The following CNTNAP2 variants were observed in gnomAD, a reference collection of about 807,000 sequenced individuals.
CNTNAP2 encodes the protein contactin associated protein 2, also known as contactin-associated protein-like 2.
CNTNAP2 carries 98 observed loss-of-function variants against 155.2 expected under a neutral mutation model. That is an observed-to-expected ratio of 0.63 (90% CI 0.54 to 0.75). The LOEUF (loss-of-function observed/expected upper bound fraction) is 0.75. Ranked by LOEUF, CNTNAP2 falls within the 30% of genes least tolerant of loss-of-function variation. The pLI is 0.00. For synonymous variants in CNTNAP2, 651 were observed against 631.2 expected (o/e 1.03, Z -0.47); for missense variants, 1,727 against 1,688.1 (o/e 1.02, Z -0.40).
intron 15 of CNTNAP2, among the ~76,000 whole-genome samples, chr7:148,074,934 T>C (rs1360824180): frequency 2.0e-5 from 3 of 152,216 alleles, no homozygotes; most frequent in Non-Finnish European, 4.4e-5. Flanking sequence ...AACAAACTTC[T>C]GCTTCTCACT....
chr7:148,339,159 T>G (rs1798176381), intron 21 of CNTNAP2, among the ~76,000 whole-genome samples: 2 of 151,994 alleles, frequency 1.3e-5, no homozygotes, highest in South Asian at 4.1e-4. Flanking sequence ...AAAAAAACTT[T>G]CTTCCCCGCA....
At position 147,291,702 on chromosome 7, in the gene CNTNAP2, T is replaced by C. The variant is rs370821393; in HGVS notation, c.1349-8439T>C. 3.6e-4 allele frequency among the ~76,000 whole-genome samples: 55 copies of C among 152,308 alleles called. 1 individual carries two copies. The East Asian group carries it at 9.9e-3, about 27-fold the overall frequency. On this transcript the variant is annotated intron_variant, in intron 8 of 23. Transcript: ENST00000361727. ...AGGATTAATATATGTTTAACTTTAT[T>C]AAAAATTGTCCAGAGTTTTCCAAAA... is the stretch of plus-strand genomic sequence containing the variant.
At chr7:146,825,328 G>A (rs1803379481) in intron 2 of CNTNAP2, among the ~76,000 whole-genome samples, 1 of 152,096 alleles carries the variant, frequency 6.6e-6, no homozygotes, top group African/African-American at 2.4e-5. Flanking sequence ...GAATCAGAGG[G>A]ATTGTAAGAA....
chr7:146,856,545 G>T (rs1287403430), intron 3 of CNTNAP2, among the ~76,000 whole-genome samples: 1 of 152,160 alleles, frequency 6.6e-6, no homozygotes, highest in Non-Finnish European at 1.5e-5. Context: ...TTGATGGGGA[G>T]AAGTAAATTT....
intron 1 of CNTNAP2, among the ~76,000 whole-genome samples, chr7:146,137,116 G>A (rs1209752020): frequency 6.6e-6 from 1 of 152,038 alleles, no homozygotes; most frequent in African/African-American, 2.4e-5. Flanking sequence ...AACTTTTCTT[G>A]GGGTATCCTT....
chr7:147,272,664 A>ATTTTTTTT (rs71182188), intron 8 of CNTNAP2, among the ~76,000 whole-genome samples: 9 of 138,914 alleles, frequency 6.5e-5, no homozygotes, highest in Non-Finnish European at 1.1e-4. Context: ...CGCCCGGCTA[A>ATTTTTTTT]TTTTTTTTTT....
At chr7:148,324,606 T>C (rs547410773) in intron 21 of CNTNAP2, among the ~76,000 whole-genome samples, 1 of 152,162 alleles carries the variant, frequency 6.6e-6, no homozygotes, top group East Asian at 1.9e-4. Flanking sequence ...GAGACCAGCC[T>C]GGCCAACATG....
chr7:147,372,361 G>A (rs1198144039), intron 9 of CNTNAP2, among the ~76,000 whole-genome samples: 1 of 152,058 alleles, frequency 6.6e-6, no homozygotes, highest in Non-Finnish European at 1.5e-5. Context: ...GACAGACACA[G>A]GCTATTCTGG....
In CNTNAP2 at chr7:147,854,209, G is replaced by T. The variant is rs535273295; in HGVS notation, c.2099-49356G>T. On this transcript the variant is annotated intron_variant, in intron 13 of 23. Transcript: ENST00000361727. ...GAAAGTTGACTATGGGTAGAGAAGA[G>T]TTGCCGTTATTTCACCTTGAAGAAT... 7.7e-4 allele frequency among the ~76,000 whole-genome samples: 117 copies of T among 152,272 alleles called. 1 individual carries two copies. In the South Asian group the frequency reaches 0.023, roughly 30 times the overall value.
intron 13 of CNTNAP2, among the ~76,000 whole-genome samples, chr7:147,666,639 A>C (rs573032325): frequency 3.9e-5 from 6 of 152,298 alleles, no homozygotes; most frequent in Admixed American, 3.3e-4. Flanking sequence ...TCCCATGTTT[A>C]CTGTGTCTCT....
chr7:147,325,435 T>G (rs1795436434), intron 9 of CNTNAP2, among the ~76,000 whole-genome samples: 1 of 152,214 alleles, frequency 6.6e-6, no homozygotes, highest in Non-Finnish European at 1.5e-5. Context: ...ACTGTTGGGT[T>G]TAATTATGCG....
At chr7:147,904,874 AATTTT>A (rs1554447929) in intron 14 of CNTNAP2, among the ~76,000 whole-genome samples, 1 of 148,372 alleles carries the variant, frequency 6.7e-6, no homozygotes, top group Non-Finnish European at 1.5e-5. Context: ...GATAATTTTT[AATTTT>A]ATTTCTTTGA....
chr7:147,187,530 A>G (rs1017324887), intron 8 of CNTNAP2, among the ~76,000 whole-genome samples: 4 of 152,156 alleles, frequency 2.6e-5, no homozygotes, highest in Admixed American at 1.3e-4. Flanking sequence ...CAAATACTAC[A>G]TGTTCCCACT....
chr7:146,619,376 T>C (rs943237442), intron 1 of CNTNAP2, among the ~76,000 whole-genome samples: 1 of 152,172 alleles, frequency 6.6e-6, no homozygotes, highest in African/African-American at 2.4e-5. Flanking sequence ...GTTGAAAACT[T>C]ACTTTACTAA....
At chr7:146,973,585 T>G (rs1283047986) in intron 3 of CNTNAP2, among the ~76,000 whole-genome samples, 1 of 152,234 alleles carries the variant, frequency 6.6e-6, no homozygotes, top group East Asian at 1.9e-4. Flanking sequence ...AGGTTATTCC[T>G]GATTAAATCA....
At chr7:147,280,306 G>C (rs1805004359) in intron 8 of CNTNAP2, among the ~76,000 whole-genome samples, 1 of 151,776 alleles carries the variant, frequency 6.6e-6, no homozygotes, top group Admixed American at 6.6e-5. Context: ...GCCCTTTTCT[G>C]TCTTTGCACA....
chr7:147,385,535 T>C (rs1427746635), intron 9 of CNTNAP2, among the ~76,000 whole-genome samples: 1 of 152,346 alleles, frequency 6.6e-6, no homozygotes, highest in East Asian at 1.9e-4. Flanking sequence ...AAAGTCCCCA[T>C]GCAAGTCCAA....
chr7:147,004,126 G>A (rs1798479760), intron 3 of CNTNAP2, among the ~76,000 whole-genome samples: 1 of 148,626 alleles, frequency 6.7e-6, no homozygotes, highest in African/African-American at 2.5e-5. Flanking sequence ...TATTTGGCGA[G>A]GAAATATATT....
rs550803779 is a variant in CNTNAP2 at position 148,413,118 on chromosome 7, G to A, written c.3797-2299G>A. 4.8e-4 allele frequency among the ~76,000 whole-genome samples: 73 copies of A among 151,924 alleles called. No individual in the cohort carries two copies. In the Middle Eastern group the frequency reaches 0.01, roughly 21 times the overall value. On this transcript the variant is annotated intron_variant, in intron 23 of 23. Transcript: ENST00000361727. ...ATTTAAAAGAATATTGTGGCCAGGCGTAGCAGCTCACGCCTATAATCCCAG... is the reference window on the plus strand; with the variant it reads ...ATTTAAAAGAATATTGTGGCCAGGCATAGCAGCTCACGCCTATAATCCCAG...
Sources: allele counts gnomAD v4.1 joint callset (sites outside exome capture counted in the v4.1 genomes callset), GRCh38; gene constraint gnomAD v4.1.1; transcripts MANE v1.5; gene names NCBI Gene and HGNC (gene_info 2026-07-23, HGNC 2026-07-21).